Variants in YPEL5 observed in about 807,000 individuals in gnomAD.
YPEL5 encodes protein yippee-like 5.
A neutral mutation model predicts 10.5 loss-of-function variants in YPEL5; 1 was observed. The ratio of observed to expected loss-of-function variants is 0.10; its 90% CI spans 0.03 to 0.45. The LOEUF (loss-of-function observed/expected upper bound fraction) is 0.45. YPEL5 is among the 20% of genes least tolerant of loss of function. YPEL5 has a pLI of 0.97. For synonymous variants in YPEL5, 61 were observed against 56.6 expected, an observed-to-expected ratio of 1.08 and a Z score of -0.35; for missense variants, 68 against 159.3, an observed-to-expected ratio of 0.43 and a Z score of 3.09.
At chr2:30,155,787 A>G (rs1676013261) in intron 1 of YPEL5, 1 of 152,262 alleles carries the variant, frequency 6.6e-6, no homozygotes, top group African/African-American at 2.4e-5. Context: ...AAGATTTCTT[A>G]AAGATAATCA....
chr2:30,154,099 T>C (rs1401118182), intron 1 of YPEL5, among the ~76,000 whole-genome samples: 1 of 152,214 alleles, frequency 6.6e-6, no homozygotes, highest in African/African-American at 2.4e-5. Flanking sequence ...ACAACATGAA[T>C]ATTGTATTTA....
At chr2:30,153,104 T>C (rs1675884742) in intron 1 of YPEL5, among the ~76,000 whole-genome samples, 1 of 152,108 alleles carries the variant, frequency 6.6e-6, no homozygotes, top group South Asian at 2.1e-4. Flanking sequence ...GGTTTCACAG[T>C]GTTAGCCAGG....
At chr2:30,148,448 C>T (rs1032091014) in intron 1 of YPEL5, 1 of 152,152 alleles carries the variant, frequency 6.6e-6, no homozygotes, top group Non-Finnish European at 1.5e-5. Flanking sequence ...ACCAAAAGGC[C>T]TGTGGTGTTC....
intron 2 of YPEL5, among the ~76,000 whole-genome samples, chr2:30,157,852 G>A (rs1346910196): frequency 1.3e-5 from 2 of 152,208 alleles, no homozygotes; most frequent in Non-Finnish European, 2.9e-5. Context: ...CAGCAGGACA[G>A]CTGCCTGTTT....
chr2:30,152,298 A>G (rs897293736), intron 1 of YPEL5, among the ~76,000 whole-genome samples: 25 of 152,140 alleles, frequency 1.6e-4, no homozygotes, highest in African/African-American at 3.9e-4. Context: ...TTGTAGCTCT[A>G]TGTAGCAGAA....
chr2:30,154,762 G>A (rs989304265), intron 1 of YPEL5, among the ~76,000 whole-genome samples: 9 of 151,866 alleles, frequency 5.9e-5, no homozygotes, highest in Non-Finnish European at 8.8e-5. Context: ...TTTTTGAGAC[G>A]GAGTCTTGCT....
chr2:30,156,957 A>G (rs550218778), intron 2 of YPEL5, among the ~76,000 whole-genome samples, 165 bp downstream of exon 2: 1 of 152,290 alleles, frequency 6.6e-6, no homozygotes, highest in Admixed American at 6.5e-5. Context: ...GACCTTAGGA[A>G]GGTGTTACTA....
At chr2:30,149,115 A>T (rs1558354078) in intron 1 of YPEL5, among the ~76,000 whole-genome samples, 1 of 152,174 alleles carries the variant, frequency 6.6e-6, no homozygotes, top group Non-Finnish European at 1.5e-5. Flanking sequence ...TTGTCTTGCT[A>T]GGGTTTAGCG....
intron 1 of YPEL5, chr2:30,147,479 C>CGCCG (rs1558351657): frequency 4.7e-5 from 7 of 149,814 alleles, no homozygotes; most frequent in Non-Finnish European, 7.4e-5. Context: ...GACCCCCAAC[C>CGCCG]CGCCGCGCCG....
At chr2:30,153,179 G>A (rs1675891454) in intron 1 of YPEL5, among the ~76,000 whole-genome samples, 2 of 152,210 alleles carry the variant, frequency 1.3e-5, no homozygotes, top group African/African-American at 4.8e-5. Flanking sequence ...CGGGATTACA[G>A]GTGTGAGCCA....
At chr2:30,152,890 G>GT (rs373848986) in intron 1 of YPEL5, among the ~76,000 whole-genome samples, 6,302 of 122,492 alleles carry the variant, frequency 0.051, 166 homozygotes, top group Non-Finnish European at 0.074. Context: ...ACTGTCCTTT[G>GT]TTTTTTTTTT....
At position 30,158,955 on chromosome 2, in the gene YPEL5, G is replaced by C. The variant is rs1676161075; in HGVS notation, c.*112G>C. 1 of 971,572 alleles carries C rather than the reference G, an allele frequency of 1.0e-6. No individual in the cohort carries two copies. The highest frequency in any genetic ancestry group is 1.7e-5 in the African/African-American group (1 of 60,554). 60.2% of individuals were successfully genotyped at this position (971,572 alleles called of 1,614,324 possible). Reference sequence around the variant, plus strand: ...GTCGGATTAATGAACTGCGGAACAAGAGGTTGTGAGAATCTAAGATGGAAC... The same window carrying C: ...GTCGGATTAATGAACTGCGGAACAACAGGTTGTGAGAATCTAAGATGGAAC... On this transcript the variant is annotated 3_prime_UTR_variant, in exon 3 of 3. Transcript: ENST00000261353.
chr2:30,153,569 G>A (rs1436571289), intron 1 of YPEL5, among the ~76,000 whole-genome samples: 2 of 152,204 alleles, frequency 1.3e-5, no homozygotes, highest in African/African-American at 4.8e-5. Context: ...TCAGTGTTAG[G>A]TTGAGTTTCT....
Position 30,158,871 on chromosome 2 carries a change from C to T in YPEL5, c.*28C>T, listed in dbSNP as rs774339436. ...ATACAGAGAGAAATCCATCTTTTCC[C>T]AGGTCTCCTTCACTGAAAACAAAAA... On this transcript the variant is annotated 3_prime_UTR_variant, in exon 3 of 3. Coordinates refer to ENST00000261353, the MANE Select transcript of YPEL5 (RefSeq NM_016061.3). 18 of 1,609,070 alleles carry T rather than the reference C, an allele frequency of 1.1e-5. No individual in the cohort carries two copies. The Middle Eastern group carries it at 8.3e-4, about 74-fold the overall frequency.
chr2:30,149,427 T>C (rs1031329996), intron 1 of YPEL5, among the ~76,000 whole-genome samples: 1 of 152,240 alleles, frequency 6.6e-6, no homozygotes, highest in Admixed American at 6.5e-5. Flanking sequence ...TAGCTTGTTA[T>C]ATATTTTGCA....
chr2:30,154,093 C>T (rs775314559), intron 1 of YPEL5, among the ~76,000 whole-genome samples: 8 of 152,162 alleles, frequency 5.3e-5, no homozygotes, highest in Non-Finnish European at 8.8e-5. Flanking sequence ...TAAATTACAA[C>T]ATGAATATTG....
At chr2:30,150,089 T>C (rs1675713226) in intron 1 of YPEL5, among the ~76,000 whole-genome samples, 1 of 152,226 alleles carries the variant, frequency 6.6e-6, no homozygotes, top group African/African-American at 2.4e-5. Flanking sequence ...GACCCAGAAC[T>C]GTGACATGCT....
chr2:30,155,711 TCA>T (rs1009350473), intron 1 of YPEL5: 6 of 152,264 alleles, frequency 3.9e-5, no homozygotes, highest in Non-Finnish European at 5.9e-5. Context: ...TACCCTAGTT[TCA>T]GACATATGTT....
Position 30,158,878 on chromosome 2 carries a change from C to A in YPEL5, c.*35C>A. On this transcript the variant is annotated 3_prime_UTR_variant, in exon 3 of 3. Coordinates refer to ENST00000261353, the MANE Select transcript of YPEL5 (RefSeq NM_016061.3). Reference sequence around the variant, plus strand: ...GAGAAATCCATCTTTTCCCAGGTCTCCTTCACTGAAAACAAAAATCTACTT... The same window carrying A: ...GAGAAATCCATCTTTTCCCAGGTCTACTTCACTGAAAACAAAAATCTACTT... The A allele has an allele frequency of 6.2e-7, 1 of 1,605,278 alleles. No homozygotes were observed. The highest frequency in any genetic ancestry group is 8.5e-7 in the Non-Finnish European group (1 of 1,173,692).
Sources: allele counts gnomAD v4.1 joint callset (sites outside exome capture counted in the v4.1 genomes callset), GRCh38; gene constraint gnomAD v4.1.1; transcripts MANE v1.5; gene names NCBI Gene and HGNC (gene_info 2026-07-23, HGNC 2026-07-21).